Variants in MOGAT3 observed in about 807,000 individuals in gnomAD.
MOGAT3 encodes monoacylglycerol O-acyltransferase 3, also known as 2-acylglycerol O-acyltransferase 3.
Under a neutral mutation model 34.4 loss-of-function variants are expected in MOGAT3, and 39 were observed. That is an observed-to-expected ratio of 1.13 (90% confidence interval 0.88 to 1.48). The LOEUF is 1.48. MOGAT3 is among the 40% of genes most tolerant of loss of function. MOGAT3 has a pLI of 0.00. For synonymous variants in MOGAT3, 209 were observed against 179.2 expected, an observed-to-expected ratio of 1.17 and a Z score of -1.33; for missense variants, 439 against 438.9, an observed-to-expected ratio of 1.00 and a Z score of 0.00.
In MOGAT3 at chr7:101,196,311, C is replaced by T. The variant is rs772585323; in HGVS notation, c.747G>A (p.Gln249=). The change falls in exon 6 of 7, where the codon CAG becomes CAA. Residue 249 remains glutamine (Q), a synonymous_variant. Transcript: ENST00000223114. ...TCTTGAAGGTGAGCTGGCACCAATG[C>T]TGCCAGGAGCCTGTGGCAAAAGCCT... ...RLKAFATGSW[Q]HWCQLTFKKL... The T allele has an allele frequency of 3.7e-6, 6 of 1,613,972 alleles. No individual in the cohort carries two copies. In the Middle Eastern group the frequency reaches 4.9e-4, roughly 133 times the overall value.
rs964737907 is a variant in MOGAT3, at chr7:101,196,110, G to A, written c.872-10C>T. Reference sequence around the variant, plus strand: ...GGGATGGGGCGGCCCACTGCAGGGAGAGGGAGACAGGTGGGCGAGGGATCC... The same window carrying A: ...GGGATGGGGCGGCCCACTGCAGGGAAAGGGAGACAGGTGGGCGAGGGATCC... On this transcript the variant is annotated splice_polypyrimidine_tract_variant and intron_variant, in intron 6 of 6. Transcript: ENST00000223114. 2.5e-6 allele frequency: 4 copies of A among 1,602,350 alleles called. No homozygotes were observed. The highest frequency in any genetic ancestry group is 1.3e-5 in the African/African-American group (1 of 74,734).
At position 101,200,423 on chromosome 7, in the gene MOGAT3, C is replaced by A. The variant is rs756865074; in HGVS notation, c.202G>T (p.Asp68Tyr). The A allele has an allele frequency of 6.2e-7, 1 of 1,612,712 alleles. No homozygotes were observed. ...CGGAGCTCACCTTGGTTGGGTGTGTCCCAGTCCACATAGAGCCACACCAAG... is the reference window on the plus strand; with the variant it reads ...CGGAGCTCACCTTGGTTGGGTGTGTACCAGTCCACATAGAGCCACACCAAG... The part of the protein sequence containing the change: ...FYLVWLYVDW[D>Y]TPNQGGRRSE... The change falls in exon 2 of 7, where the codon GAC becomes TAC. Residue 68 changes from aspartate (D) to tyrosine (Y), a missense_variant. Transcript: ENST00000223114.
intron 5 of MOGAT3, among the ~76,000 whole-genome samples, chr7:101,196,860 C>A (rs533613983): frequency 2.3e-4 from 35 of 152,078 alleles, no homozygotes; most frequent in African/African-American, 8.2e-4. Context: ...CAGAGTGAGA[C>A]TTTGTCTCAA....
At position 101,195,382 on chromosome 7, in the gene MOGAT3, T is replaced by C. The variant is rs1281355012; in HGVS notation, c.*564A>G. 1 of 151,128 alleles carries C rather than the reference T, an allele frequency of 6.6e-6. No homozygotes were observed. Among genetic ancestry groups the C allele is most frequent in the Non-Finnish European group, 1.5e-5 (1 of 68,440 alleles). The allele number at this position is 151,128 out of a possible 1,614,324, so 9.4% of individuals were successfully genotyped here. ...GGCATGAGCCACCATGCCCGGCTAA[T>C]TTTTGTAGTTTTAGTAGAGAGGGGG... On this transcript the variant is annotated 3_prime_UTR_variant, in exon 7 of 7. Coordinates refer to ENST00000223114, the MANE Select transcript of MOGAT3 (RefSeq NM_178176.4).
rs887309969 is a variant in MOGAT3 at position 101,200,496 on chromosome 7, A to G, written c.129T>C (p.Leu43=). 6.3e-7 allele frequency: 1 copy of G among 1,595,938 alleles called. No homozygotes were observed. Among genetic ancestry groups the G allele is most frequent in the East Asian group, 2.3e-5 (1 of 44,108 alleles). ...FLFMGPFFSL[L]VFVLLFTSLW... ...GTGACGTGAAGAGGAGGACAAAGAC[A>G]AGAAGGGAGAAGAAAGGGCCTGGGG... The change falls in exon 2 of 7, where the codon CTT becomes CTC. Residue 43 remains leucine, a synonymous_variant. Coordinates refer to ENST00000223114, the MANE Select transcript of MOGAT3 (RefSeq NM_178176.4).
rs757584196 is a variant in MOGAT3, at chr7:101,198,632, A to G, written c.487T>C (p.Ser163Pro). Residue 163 changes from serine (S) to proline (P), a missense_variant, in exon 4 of 7, where the codon TCC becomes CCC. Coordinates refer to ENST00000223114, the MANE Select transcript of MOGAT3 (RefSeq NM_178176.4). ...YLPVYRDYIM[S>P]FGLCPVSRQS... is the part of the protein sequence containing the mutation. ...CTCCTCCCATTCGGCTCACCAAAGG[A>G]CATGATGTAGTCGCGATAGACCGGG... 21 of 1,612,700 alleles carry G rather than the reference A, an allele frequency of 1.3e-5. No homozygotes were observed. The African/African-American group carries it at 2.0e-4, about 15-fold the overall frequency.
At position 101,198,176 on chromosome 7, in the gene MOGAT3, TGCACGC is replaced by T. The variant is rs774048033; in HGVS notation, c.668+9_668+14del. 1.9e-5 allele frequency: 31 copies of T among 1,602,372 alleles called. No individual in the cohort carries two copies. The highest frequency in any genetic ancestry group is 2.6e-5 in the Non-Finnish European group (30 of 1,173,590). On this transcript the variant is annotated intron_variant, in intron 5 of 6. Transcript: ENST00000223114. ...CAGCAGAGAACTGACAGGTAGGGCC[TGCACGC>T]GCACTCACCCGTGCCTCAGCGCCAG...
chr7:101,194,016 A>G (rs1315305580), downstream of MOGAT3, among the ~76,000 whole-genome samples: 1 of 151,560 alleles, frequency 6.6e-6, no homozygotes, highest in Non-Finnish European at 1.5e-5. Context: ...TCTGTTTGAG[A>G]CGGGTCTCGC....
chr7:101,198,043 C>T, intron 5 of MOGAT3, 148 bp downstream of exon 5: 1 of 761,274 alleles, frequency 1.3e-6, no homozygotes, highest in Non-Finnish European at 2.0e-6. Context: ...CGAGTCATGC[C>T]CTGGAGAGCC....
In MOGAT3 at chr7:101,195,992, T is replaced by A; in HGVS notation, c.980A>T (p.Lys327Met). The A allele has an allele frequency of 6.2e-7, 1 of 1,614,166 alleles. No individual in the cohort carries two copies. The highest frequency in any genetic ancestry group is 8.5e-7 in the Non-Finnish European group (1 of 1,180,028). The change falls in exon 7 of 7, where the codon AAG becomes ATG. Residue 327 changes from lysine to methionine, a missense_variant. Transcript: ENST00000223114. ...TALEQLFEEH[K>M]ESCGVPASTC... ...GGAAGCGGGGACCCCACAGCTTTCC[T>A]TGTGCTCCTCGAAGAGCTGCTCCAG... is the stretch of plus-strand genomic sequence containing the variant.
rs1174946292 is a variant in MOGAT3 at position 101,200,089 on chromosome 7, A to G, written c.288+145T>C. ...GCCTCGGTGACAGGAGACTCAGTCT[A>G]AAAAAAAAAAAAAATCCATTCCCTG... is the stretch of plus-strand genomic sequence containing the variant. On this transcript the variant is annotated intron_variant, in intron 3 of 6. Coordinates refer to ENST00000223114, the MANE Select transcript of MOGAT3 (RefSeq NM_178176.4). 13 of 147,538 alleles carry G rather than the reference A, an allele frequency of 8.8e-5. No individual in the cohort carries two copies. In the South Asian group the frequency reaches 2.6e-3, roughly 30 times the overall value. The allele number at this position is 147,538 out of a possible 1,614,324, so 9.1% of individuals were successfully genotyped here. A position where few individuals can be genotyped will look rare whatever the true frequency, so the allele number is the denominator to read the frequency against.
chr7:101,195,932 G>C lies in MOGAT3; in HGVS notation c.*14C>G, dbSNP rs1165373702. Reference sequence around the variant, plus strand: ...CCTTGGGCTCAGGGGCTCAGCGAAAGGCCGCGGCCAGGCCTAGATGAAGGT... The same window carrying C: ...CCTTGGGCTCAGGGGCTCAGCGAAACGCCGCGGCCAGGCCTAGATGAAGGT... On this transcript the variant is annotated 3_prime_UTR_variant, in exon 7 of 7. Transcript: ENST00000223114. 1 of 1,613,962 alleles carries C rather than the reference G, an allele frequency of 6.2e-7. No homozygotes were observed. Among genetic ancestry groups the C allele is most frequent in the East Asian group, 2.2e-5 (1 of 44,866 alleles).
rs778627905 is a variant in MOGAT3, at chr7:101,198,805, G to T, written c.314C>A (p.Pro105Gln). The change falls in exon 4 of 7, where the codon CCG becomes CAG. Residue 105 changes from proline (P) to glutamine (Q), a missense_variant. Pro to Gln is a moderately conservative substitution (Grantham distance 76, BLOSUM62 -1). Transcript: ENST00000223114. ...GGCGCCCAGCACGTAGTTCCGATCC[G>T]GGGGCAGCTCTGCTGTTTTCACCAG... ...VKLVKTAELPPDRNYVLGAHP... is the reference protein window; with the variant it reads ...VKLVKTAELPQDRNYVLGAHP... 1 of 1,613,786 alleles carries T rather than the reference G, an allele frequency of 6.2e-7. No individual in the cohort carries two copies.
Position 101,200,434 on chromosome 7 carries a change from T to C in MOGAT3, c.191A>G (p.Tyr64Cys), listed in dbSNP as rs748605753. 6.2e-7 allele frequency: 1 copy of C among 1,611,772 alleles called. No individual in the cohort carries two copies. The highest frequency in any genetic ancestry group is 2.2e-5 in the East Asian group (1 of 44,810). ...TTGGTTGGGTGTGTCCCAGTCCACATAGAGCCACACCAAGTAAAAAACAGA... is the reference window on the plus strand; with the variant it reads ...TTGGTTGGGTGTGTCCCAGTCCACACAGAGCCACACCAAGTAAAAAACAGA... The part of the protein sequence containing the change: ...PFSVFYLVWL[Y>C]VDWDTPNQGG... Residue 64 changes from tyrosine to cysteine, a missense_variant, in exon 2 of 7, where the codon TAT becomes TGT. By Grantham distance (194) the Tyr-to-Cys change is radical. Coordinates refer to ENST00000223114, the MANE Select transcript of MOGAT3 (RefSeq NM_178176.4).
chr7:101,195,184 A>T lies in MOGAT3; in HGVS notation c.*762T>A, dbSNP rs1004455637. On this transcript the variant is annotated 3_prime_UTR_variant, in exon 7 of 7. Coordinates refer to ENST00000223114, the MANE Select transcript of MOGAT3 (RefSeq NM_178176.4). ...GGATGGGGGCAGGTCATGCCTGGCCATGTTCACTTCCAGAACGATTATAGC... is the reference window on the plus strand; with the variant it reads ...GGATGGGGGCAGGTCATGCCTGGCCTTGTTCACTTCCAGAACGATTATAGC... 6.6e-6 allele frequency: 1 copy of T among 152,364 alleles called. No individual in the cohort carries two copies. Among genetic ancestry groups the T allele is most frequent in the Admixed American group, 6.6e-5 (1 of 15,250 alleles). 9.4% of individuals were successfully genotyped at this position (152,364 alleles called of 1,614,324 possible).
intron 3 of MOGAT3, 149 bp downstream of exon 3, chr7:101,200,085 G>C (rs1280041104): frequency 1.4e-6 from 1 of 694,948 alleles, no homozygotes; most frequent in Non-Finnish European, 2.6e-6. Context: ...AGGAGACTCA[G>C]TCTAAAAAAA....
intron 3 of MOGAT3, 113 bp downstream of exon 3, chr7:101,200,121 T>C (rs1584242735): frequency 2.4e-6 from 2 of 848,236 alleles, no homozygotes; most frequent in East Asian, 2.4e-5. Flanking sequence ...CCTGTCCCAC[T>C]GCCTGAGCTT....
At chr7:101,193,874 C>G (rs1212162881), downstream of MOGAT3, among the ~76,000 whole-genome samples, 4 of 152,184 alleles carry the variant, frequency 2.6e-5, no homozygotes, top group Non-Finnish European at 5.9e-5. Context: ...ACGGTAGAAG[C>G]AAATATAGGG....
chr7:101,195,823 G>T lies in MOGAT3; in HGVS notation c.*123C>A, dbSNP rs1797760517. ...CCACCTTGGCCTCCCAAAGTGCTGG[G>T]ATTACAGGCATGAGGCACTGCGCTG... On this transcript the variant is annotated 3_prime_UTR_variant, in exon 7 of 7. Coordinates refer to ENST00000223114, the MANE Select transcript of MOGAT3 (RefSeq NM_178176.4). The T allele has an allele frequency of 9.0e-7, 1 of 1,109,504 alleles. No homozygotes were observed. Among genetic ancestry groups the T allele is most frequent in the East Asian group, 2.4e-5 (1 of 42,218 alleles). The allele number at this position is 1,109,504 out of a possible 1,614,324, so 68.7% of individuals were successfully genotyped here.
Sources: allele counts gnomAD v4.1 joint callset (sites outside exome capture counted in the v4.1 genomes callset), GRCh38; gene constraint gnomAD v4.1.1; transcripts MANE v1.5; gene names NCBI Gene and HGNC (gene_info 2026-07-23, HGNC 2026-07-21).